Variants in SUGCT observed in about 807,000 individuals in gnomAD.
The protein encoded by SUGCT is succinyl-CoA:glutarate-CoA transferase.
In SUGCT, 41 loss-of-function variants were observed where a neutral mutation model predicts 55.0. The ratio of observed to expected loss-of-function variants is 0.74; its 90% confidence interval spans 0.58 to 0.97. SUGCT has a LOEUF of 0.97. Ranked by LOEUF, SUGCT falls within the 50% of genes least tolerant of loss-of-function variation. The probability of loss-of-function intolerance (pLI) is 0.00; values close to 1 mark genes in which losing one functional copy is unlikely to be tolerated. For synonymous variants in SUGCT, 187 were observed against 200.4 expected, an observed-to-expected ratio of 0.93 and a Z score of 0.56; for missense variants, 568 against 547.8, an observed-to-expected ratio of 1.04 and a Z score of -0.37.
intron 9 of SUGCT, among the ~76,000 whole-genome samples, chr7:40,319,078 T>C (rs1413201288): frequency 6.6e-6 from 1 of 152,226 alleles, no homozygotes; most frequent in Non-Finnish European, 1.5e-5. Context: ...TATCTGTGTC[T>C]GTGTTTGTCT....
the SUGCT span, among the ~76,000 whole-genome samples, chr7:40,914,427 T>C: frequency 0.052 from 7,883 of 152,172 alleles, 306 homozygotes; most frequent in South Asian, 0.17. Flanking sequence ...GAGACCTTCT[T>C]TTCAGCCCTC....
In SUGCT at chr7:40,180,748, G is replaced by GA. The variant is rs541423146; in HGVS notation, c.101-196dup. The stretch of plus-strand genomic sequence containing the variant: ...AGGTGATCCGCCTGCCTCGGCCTCC[G>GA]AAAGTGCTGGGATACAGGAGTGAGC... On this transcript the variant is annotated intron_variant, in intron 1 of 13. Coordinates refer to ENST00000335693, the MANE Select transcript of SUGCT (RefSeq NM_001193313.2). 1.4e-3 allele frequency among the ~76,000 whole-genome samples: 208 copies of GA among 152,178 alleles called. 2 individuals are homozygous for GA. In the Middle Eastern group the frequency reaches 0.017, roughly 12 times the overall value.
intron 9 of SUGCT, among the ~76,000 whole-genome samples, chr7:40,387,415 T>A (rs555511712): frequency 1.3e-5 from 2 of 152,260 alleles, no homozygotes; most frequent in South Asian, 4.1e-4. Context: ...AGGGCTATAC[T>A]TACTTTCTAT....
intron 1 of SUGCT, among the ~76,000 whole-genome samples, chr7:40,164,058 G>C (rs1049753538): frequency 2.0e-5 from 3 of 151,546 alleles, no homozygotes; most frequent in Non-Finnish European, 4.4e-5. Context: ...GGCCTCAGGC[G>C]ATCTGTCCAC....
chr7:40,164,851 T>C (rs1256522703), intron 1 of SUGCT, among the ~76,000 whole-genome samples: 2 of 152,214 alleles, frequency 1.3e-5, no homozygotes, highest in Non-Finnish European at 2.9e-5. Context: ...CCTCATTTCT[T>C]ATTTCCCATG....
chr7:40,880,493 C>G, the SUGCT span, among the ~76,000 whole-genome samples: 1 of 152,210 alleles, frequency 6.6e-6, no homozygotes, highest in Non-Finnish European at 1.5e-5. Flanking sequence ...CTGCCTAAAT[C>G]CATGGCTTCA....
chr7:40,268,294 T>C (rs1276088493), intron 7 of SUGCT, among the ~76,000 whole-genome samples: 2 of 152,216 alleles, frequency 1.3e-5, no homozygotes, highest in African/African-American at 4.8e-5. Flanking sequence ...CTAATCTACC[T>C]TCTGTCTCTA....
chr7:40,921,445 G>T, the SUGCT span, among the ~76,000 whole-genome samples: 1 of 152,160 alleles, frequency 6.6e-6, no homozygotes, highest in Non-Finnish European at 1.5e-5. Context: ...GTAGAGAGAG[G>T]CTGGGGGCCA....
intron 9 of SUGCT, among the ~76,000 whole-genome samples, chr7:40,436,258 T>C (rs1458841507): frequency 6.6e-6 from 1 of 152,058 alleles, no homozygotes; most frequent in East Asian, 1.9e-4. Context: ...TGCTTCCTAG[T>C]ACTGCACTTA....
intron 12 of SUGCT, among the ~76,000 whole-genome samples, chr7:40,718,891 T>C (rs1786165427): frequency 6.6e-6 from 1 of 152,120 alleles, no homozygotes; most frequent in Non-Finnish European, 1.5e-5. Context: ...ACAGACTATA[T>C]GATATAAAAA....
chr7:40,935,983 C>T, the SUGCT span, among the ~76,000 whole-genome samples: 2 of 152,082 alleles, frequency 1.3e-5, no homozygotes, highest in Admixed American at 6.5e-5. Flanking sequence ...GTTCATTTCA[C>T]TGATGATTCA....
intron 12 of SUGCT, among the ~76,000 whole-genome samples, chr7:40,617,795 C>A (rs1425439285): frequency 6.6e-6 from 1 of 151,984 alleles, no homozygotes; most frequent in Non-Finnish European, 1.5e-5. Flanking sequence ...AGTGATATAA[C>A]CCTTGTGCTA....
At chr7:40,269,501 A>G (rs1441104403) in intron 7 of SUGCT, among the ~76,000 whole-genome samples, 1 of 151,684 alleles carries the variant, frequency 6.6e-6, no homozygotes, top group Non-Finnish European at 1.5e-5. Context: ...TTTTGTATTT[A>G]TCGTAGAGAT....
intron 9 of SUGCT, among the ~76,000 whole-genome samples, chr7:40,321,873 A>G (rs1795774529): frequency 6.6e-6 from 1 of 152,230 alleles, no homozygotes; most frequent in East Asian, 1.9e-4. Context: ...TGTTATTGTG[A>G]ATAGTGCTGC....
chr7:40,640,173 C>T (rs531161032), intron 12 of SUGCT, among the ~76,000 whole-genome samples: 2 of 152,190 alleles, frequency 1.3e-5, no homozygotes, highest in South Asian at 2.1e-4. Flanking sequence ...AAAAATCAAA[C>T]AATGAAACTA....
At chr7:40,742,134 A>T (rs1787491903) in intron 12 of SUGCT, among the ~76,000 whole-genome samples, 1 of 152,188 alleles carries the variant, frequency 6.6e-6, no homozygotes, top group Non-Finnish European at 1.5e-5. Context: ...ATATATATGC[A>T]CACACATTAT....
At chr7:40,765,826 C>T (rs1266331763) in intron 13 of SUGCT, among the ~76,000 whole-genome samples, 9 of 152,158 alleles carry the variant, frequency 5.9e-5, no homozygotes, top group African/African-American at 9.6e-5. Context: ...TCAACCAGGG[C>T]GCCTTCTCTC....
At chr7:40,237,918 G>A (rs551277126) in intron 7 of SUGCT, among the ~76,000 whole-genome samples, 192 bp downstream of exon 7, 144 of 152,334 alleles carry the variant, frequency 9.5e-4, no homozygotes, top group African/African-American at 3.4e-3. Flanking sequence ...AAAACAGGAA[G>A]TGTTCATTAC....
intron 12 of SUGCT, among the ~76,000 whole-genome samples, chr7:40,726,688 G>A (rs569246577): frequency 9.8e-5 from 15 of 152,288 alleles, no homozygotes; most frequent in African/African-American, 3.1e-4. Flanking sequence ...AAGCTGAGGC[G>A]CCGCAACCGA....
Sources: gnomAD v4.1 joint callset for allele counts (sites outside exome capture counted in the v4.1 genomes callset) on GRCh38, gnomAD v4.1.1 for gene constraint, MANE v1.5 for transcripts, NCBI Gene and HGNC (gene_info 2026-07-23, HGNC 2026-07-21) for gene names.